The following CUX1 variants were observed in gnomAD, a reference collection of about 807,000 sequenced individuals.
CUX1 encodes cut like homeobox 1, also known as protein CASP.
A neutral mutation model predicts 158.8 loss-of-function variants in CUX1; 31 were observed. The ratio of observed to expected loss-of-function variants is 0.20; its 90% CI spans 0.15 to 0.26. The LOEUF is 0.26. Ranked by LOEUF, CUX1 falls within the 10% of genes least tolerant of loss-of-function variation. The pLI is 1.00. For missense variants in CUX1, 1,589 were observed against 2,014.6 expected, an observed-to-expected ratio of 0.79 and a Z score of 4.04; for synonymous variants, 879 against 862.1, an observed-to-expected ratio of 1.02 and a Z score of -0.34.
chr7:102,272,217 G>A (rs1484428208), intron 14 of CUX1, among the ~76,000 whole-genome samples: 2 of 152,204 alleles, frequency 1.3e-5, no homozygotes, highest in Non-Finnish European at 2.9e-5. Context: ...GGGAACCCAG[G>A]AGCATGTGGG....
At chr7:101,886,216 C>A (rs1800210826) in intron 1 of CUX1, among the ~76,000 whole-genome samples, 1 of 151,916 alleles carries the variant, frequency 6.6e-6, no homozygotes, top group Non-Finnish European at 1.5e-5. Flanking sequence ...TTTTTTGAGA[C>A]AGGTTCTCAC....
At chr7:102,203,921 C>T (rs139513181) in intron 18 of CUX1, among the ~76,000 whole-genome samples, 3 of 152,342 alleles carry the variant, frequency 2.0e-5, no homozygotes, top group Admixed American at 1.3e-4. Flanking sequence ...TTTCTAAATG[C>T]TGGCCTGGCT....
At chr7:102,036,610 C>T (rs1392914156) in intron 3 of CUX1, among the ~76,000 whole-genome samples, 4 of 151,982 alleles carry the variant, frequency 2.6e-5, no homozygotes, top group East Asian at 1.9e-4. Flanking sequence ...GGTGTGGTCA[C>T]GTGCTCCTGT....
chr7:101,879,973 G>C (rs1237204013), intron 1 of CUX1, among the ~76,000 whole-genome samples: 14 of 152,214 alleles, frequency 9.2e-5, no homozygotes, highest in African/African-American at 2.4e-5. Context: ...TGGGTCTGTG[G>C]CAGAGAAAGG....
chr7:102,060,881 C>T (rs989710843), intron 3 of CUX1, among the ~76,000 whole-genome samples: 3 of 140,654 alleles, frequency 2.1e-5, no homozygotes, highest in African/African-American at 2.7e-5. Context: ...AAAAGCACTG[C>T]GATTACAGGT....
At chr7:101,978,842 T>C (rs1290307042) in intron 2 of CUX1, among the ~76,000 whole-genome samples, 1 of 152,210 alleles carries the variant, frequency 6.6e-6, no homozygotes, top group African/African-American at 2.4e-5. Context: ...TCCATCTCTG[T>C]CTACCTTTCC....
chr7:101,850,421 C>CTTTTTTTTTTT (rs545679696), intron 1 of CUX1, among the ~76,000 whole-genome samples: 10 of 104,620 alleles, frequency 9.6e-5, no homozygotes, highest in Non-Finnish European at 1.3e-4. Flanking sequence ...TTCTTTCTTT[C>CTTTTTTTTTTT]TTTTTTTTTT....
At chr7:102,052,370 T>A (rs1365279785) in intron 3 of CUX1, among the ~76,000 whole-genome samples, 3 of 152,208 alleles carry the variant, frequency 2.0e-5, no homozygotes, top group Non-Finnish European at 4.4e-5. Flanking sequence ...TTCATATCAA[T>A]GAGATCAAAT....
At chr7:102,125,346 A>G (rs1416757401) in intron 8 of CUX1, among the ~76,000 whole-genome samples, 1 of 152,206 alleles carries the variant, frequency 6.6e-6, no homozygotes, top group Non-Finnish European at 1.5e-5. Flanking sequence ...CCAGCCTTCA[A>G]GTGCTTCAAC....
chr7:102,240,891 G>C (rs1186637967), intron 23 of CUX1, among the ~76,000 whole-genome samples: 4 of 152,118 alleles, frequency 2.6e-5, no homozygotes, highest in Non-Finnish European at 4.4e-5. Context: ...CACGATCTCG[G>C]CTCACTGCAG....
intron 3 of CUX1, among the ~76,000 whole-genome samples, chr7:102,041,658 C>A (rs1012527181): frequency 6.7e-6 from 1 of 149,024 alleles, no homozygotes; most frequent in African/African-American, 2.5e-5. Context: ...ATTTATATCT[C>A]CCTTTTGATT....
intron 10 of CUX1, among the ~76,000 whole-genome samples, chr7:102,171,877 A>T (rs550887854): frequency 6.6e-6 from 1 of 152,338 alleles, no homozygotes; most frequent in Non-Finnish European, 1.5e-5. Flanking sequence ...GGTTACAATG[A>T]GTACATATCA....
chr7:101,861,166 T>C (rs1797421882), intron 1 of CUX1, among the ~76,000 whole-genome samples: 1 of 152,210 alleles, frequency 6.6e-6, no homozygotes, highest in Non-Finnish European at 1.5e-5. Context: ...TCAGCCACCC[T>C]GCTCCTTCGA....
chr7:102,092,493 C>T (rs1444377063), intron 4 of CUX1, among the ~76,000 whole-genome samples: 7 of 152,254 alleles, frequency 4.6e-5, no homozygotes, highest in East Asian at 1.9e-4. Flanking sequence ...GCAGCGCAAA[C>T]GCTCCTCACT....
intron 9 of CUX1, among the ~76,000 whole-genome samples, chr7:102,169,192 C>G (rs1791446188): frequency 6.6e-6 from 1 of 152,062 alleles, no homozygotes; most frequent in African/African-American, 2.4e-5. Flanking sequence ...TTCAGTCTCC[C>G]AAAGTGCTGG....
At chr7:101,821,208 T>C (rs1055211248) in intron 1 of CUX1, among the ~76,000 whole-genome samples, 1 of 152,246 alleles carries the variant, frequency 6.6e-6, no homozygotes, top group Non-Finnish European at 1.5e-5. Flanking sequence ...TACATTTTAT[T>C]ATACCCCAAT....
At chr7:102,236,095 T>TGAA (rs1473160747) in intron 22 of CUX1, among the ~76,000 whole-genome samples, 1 of 152,226 alleles carries the variant, frequency 6.6e-6, no homozygotes, top group Non-Finnish European at 1.5e-5. Flanking sequence ...CGGTGCTTCA[T>TGAA]GCAGCCTAGC....
rs1185232106 is a variant in CUX1 at position 102,254,313 on chromosome 7, C to G, written c.*5271C>G. 2.0e-6 allele frequency: 2 copies of G among 985,406 alleles called. No individual in the cohort carries two copies. The highest frequency in any genetic ancestry group is 3.5e-5 in the African/African-American group (2 of 57,224). 61.0% of individuals were successfully genotyped at this position (985,406 alleles called of 1,614,324 possible). A position where few individuals can be genotyped will look rare whatever the true frequency, so the allele number is the denominator to read the frequency against. ...GGACTGCCCCAAAGTTCCCAGCTGGCTTTGGGGAACACTGTAGCTCTTGGG... is the reference window on the plus strand; with the variant it reads ...GGACTGCCCCAAAGTTCCCAGCTGGGTTTGGGGAACACTGTAGCTCTTGGG... On this transcript the variant is annotated 3_prime_UTR_variant, in exon 24 of 24. Transcript: ENST00000292535.
At chr7:101,933,773 C>G (rs1484859309) in intron 2 of CUX1, among the ~76,000 whole-genome samples, 1 of 152,098 alleles carries the variant, frequency 6.6e-6, no homozygotes, top group African/African-American at 2.4e-5. Flanking sequence ...TTGGTTTGTT[C>G]GCATACTTGT....
Sources: allele counts gnomAD v4.1 joint callset (sites outside exome capture counted in the v4.1 genomes callset), GRCh38; gene constraint gnomAD v4.1.1; transcripts MANE v1.5; gene names NCBI Gene and HGNC (gene_info 2026-07-23, HGNC 2026-07-21).